The following MMP16 variants were observed in gnomAD, a reference collection of about 807,000 sequenced individuals.
MMP16 encodes the protein matrix metallopeptidase 16.
In MMP16, 12 loss-of-function variants were observed where a neutral mutation model predicts 67.8. The observed-to-expected ratio is 0.18, with a 90% CI of 0.11 to 0.29. MMP16 has a LOEUF of 0.29. Among genes scored for constraint, MMP16 ranks in the 10% least tolerant of loss-of-function variants. The probability of loss-of-function intolerance (pLI) is 1.00; values close to 1 mark genes in which losing one functional copy is unlikely to be tolerated. For synonymous variants in MMP16, 249 were observed against 255.9 expected (o/e 0.97, Z 0.26); for missense variants, 475 against 765.7 (o/e 0.62, Z 4.48).
intron 4 of MMP16, among the ~76,000 whole-genome samples, chr8:88,161,457 C>T (rs1808621750): frequency 6.6e-6 from 1 of 151,948 alleles, no homozygotes; most frequent in Admixed American, 6.6e-5. Context: ...TTATTAGTCT[C>T]TTGCTAGCAG....
chr8:88,246,849 G>T (rs1256763825), intron 1 of MMP16, among the ~76,000 whole-genome samples: 2 of 152,086 alleles, frequency 1.3e-5, no homozygotes, highest in African/African-American at 4.8e-5. Flanking sequence ...TCTAAAATAA[G>T]AATATGCCAT....
chr8:88,155,340 G>A (rs1360743423), intron 4 of MMP16, among the ~76,000 whole-genome samples: 1 of 151,920 alleles, frequency 6.6e-6, no homozygotes, highest in Non-Finnish European at 1.5e-5. Flanking sequence ...TGCATAGTAG[G>A]GGTAAAAACA....
At chr8:88,265,810 TG>T (rs954996653) in intron 1 of MMP16, among the ~76,000 whole-genome samples, 5 of 152,322 alleles carry the variant, frequency 3.3e-5, no homozygotes, top group African/African-American at 1.2e-4. Flanking sequence ...GTAACTTTTG[TG>T]TAACCTTGCA....
chr8:88,095,653 T>C (rs1458333956), intron 6 of MMP16, among the ~76,000 whole-genome samples: 3 of 151,884 alleles, frequency 2.0e-5, no homozygotes, highest in Admixed American at 6.6e-5. Flanking sequence ...CTCTCATAAA[T>C]AATACGCTTC....
intron 1 of MMP16, among the ~76,000 whole-genome samples, chr8:88,203,280 T>C (rs907498803): frequency 6.6e-6 from 1 of 151,860 alleles, no homozygotes; most frequent in Non-Finnish European, 1.5e-5. Flanking sequence ...TTTTTTTGTA[T>C]TTTTAGTAGA....
At chr8:88,131,333 G>T (rs1221307228) in intron 4 of MMP16, among the ~76,000 whole-genome samples, 1 of 150,602 alleles carries the variant, frequency 6.6e-6, no homozygotes, top group Non-Finnish European at 1.5e-5. Context: ...TAACGTAAAA[G>T]ATATAAATGT....
chr8:88,053,483 C>T (rs1206546206), intron 8 of MMP16, among the ~76,000 whole-genome samples: 1 of 152,090 alleles, frequency 6.6e-6, no homozygotes, highest in Non-Finnish European at 1.5e-5. Context: ...TTTTTTACAG[C>T]GGCTCTAGAG....
chr8:88,137,867 T>C (rs547124951), intron 4 of MMP16, among the ~76,000 whole-genome samples: 1 of 152,048 alleles, frequency 6.6e-6, no homozygotes, highest in Non-Finnish European at 1.5e-5. Context: ...TCTCTTTCAA[T>C]TCACATATCT....
chr8:88,204,427 A>G (rs191738914), intron 1 of MMP16, among the ~76,000 whole-genome samples: 160 of 152,282 alleles, frequency 1.1e-3, no homozygotes, highest in Non-Finnish European at 2.0e-3. Flanking sequence ...TGATCTTGAA[A>G]TTGCTGTATT....
chr8:88,154,123 T>G (rs1488764284), intron 4 of MMP16, among the ~76,000 whole-genome samples: 1 of 128,238 alleles, frequency 7.8e-6, no homozygotes, highest in Non-Finnish European at 1.6e-5. Context: ...AAAATGCTCA[T>G]CATCACTGGC....
At chr8:88,314,499 GA>G (rs1160058094) in intron 1 of MMP16, among the ~76,000 whole-genome samples, 1 of 152,152 alleles carries the variant, frequency 6.6e-6, no homozygotes, top group African/African-American at 2.4e-5. Flanking sequence ...GCTTTGTTGT[GA>G]AATCAGTTAA....
intron 4 of MMP16, among the ~76,000 whole-genome samples, chr8:88,135,376 C>T (rs1563542098): frequency 6.6e-6 from 1 of 151,732 alleles, no homozygotes; most frequent in African/African-American, 2.4e-5. Flanking sequence ...CAGTTTAAGT[C>T]TATAATAGAT....
At chr8:88,088,051 T>TTATATATAGATATAATACATATCTA (rs1563527969) in intron 6 of MMP16, among the ~76,000 whole-genome samples, 1 of 38,808 alleles carries the variant, frequency 2.6e-5, no homozygotes, top group Non-Finnish European at 5.7e-5. Context: ...TAGATATCTA[T>TTATATATAGATATAATACATATCTA]TATATCTATA....
intron 1 of MMP16, among the ~76,000 whole-genome samples, chr8:88,306,985 C>A (rs967697049): frequency 3.3e-5 from 5 of 152,132 alleles, no homozygotes. Flanking sequence ...GAAAGTCAAA[C>A]TATCTTTGTT....
At chr8:88,214,492 G>C (rs1002152758) in intron 1 of MMP16, among the ~76,000 whole-genome samples, 2 of 151,452 alleles carry the variant, frequency 1.3e-5, no homozygotes, top group African/African-American at 4.9e-5. Flanking sequence ...CAACCTTTTA[G>C]TTTTTTTTCA....
At chr8:88,246,396 A>G (rs1810113015) in intron 1 of MMP16, among the ~76,000 whole-genome samples, 2 of 152,192 alleles carry the variant, frequency 1.3e-5, no homozygotes, top group African/African-American at 4.8e-5. Context: ...ATTGCATATG[A>G]ATCCATCTGT....
rs546522792 is a variant in MMP16 at position 88,288,444 on chromosome 8, G to A, written c.132+38631C>T. ...CATCAAGTATTTCAAAAGATGCTGG[G>A]AACACCCTGAGCCCTATTTAACCTC... On this transcript the variant is annotated intron_variant, in intron 1 of 9. Coordinates refer to ENST00000286614, the MANE Select transcript of MMP16 (RefSeq NM_005941.5). Among the ~76,000 whole-genome samples the A allele has an allele frequency of 2.7e-4, 41 of 152,148 alleles. No individual in the cohort carries two copies. In the South Asian group the frequency reaches 6.0e-3, roughly 22 times the overall value.
intron 1 of MMP16, among the ~76,000 whole-genome samples, chr8:88,266,983 G>T (rs1050829132): frequency 2.0e-5 from 3 of 152,110 alleles, no homozygotes; most frequent in Non-Finnish European, 2.9e-5. Flanking sequence ...AAAGATCACA[G>T]AAAATTAATA....
chr8:88,092,838 G>C (rs144277373), intron 6 of MMP16, among the ~76,000 whole-genome samples: 40 of 151,864 alleles, frequency 2.6e-4, no homozygotes, highest in African/African-American at 9.2e-4. Flanking sequence ...GTATGTGTAA[G>C]TATACCATCA....
Sources: allele counts gnomAD v4.1 joint callset (sites outside exome capture counted in the v4.1 genomes callset), GRCh38; gene constraint gnomAD v4.1.1; transcripts MANE v1.5; gene names NCBI Gene and HGNC (gene_info 2026-07-23, HGNC 2026-07-21).